L3MBTL1: variants seen among roughly 807,000 people sequenced by gnomAD.
L3MBTL1 encodes L3MBTL histone methyl-lysine binding protein 1.
A neutral mutation model predicts 105.3 loss-of-function variants in L3MBTL1; 75 were observed. That is an observed-to-expected ratio of 0.71 (90% confidence interval 0.59 to 0.86). L3MBTL1 has a LOEUF of 0.86. Ranked by LOEUF, L3MBTL1 falls within the 40% of genes least tolerant of loss-of-function variation. The probability of loss-of-function intolerance (pLI) is 0.00; values close to 1 mark genes in which losing one functional copy is unlikely to be tolerated. For synonymous variants in L3MBTL1, 452 were observed against 436.2 expected (o/e 1.04, Z -0.45); for missense variants, 1,069 against 1,126.4 (o/e 0.95, Z 0.73).
exon 19 of L3MBTL1, chr20:43,548,403 G>T (rs1157690809): frequency 3.4e-6 from 2 of 581,872 alleles, no homozygotes; most frequent in Non-Finnish European, 5.1e-6. Context: ...GAGCTGAGGA[G>T]CCCTGGGGAG....
At chr20:43,545,140 C>T (rs567327858), downstream of L3MBTL1, among the ~76,000 whole-genome samples, 3 of 152,026 alleles carry the variant, frequency 2.0e-5, no homozygotes, top group Admixed American at 1.3e-4. Flanking sequence ...GGCGCACATC[C>T]GTAATCCCAG....
chr20:43,518,851 CAAAAA>C (rs34529936), intron 7 of L3MBTL1, among the ~76,000 whole-genome samples: 2 of 33,302 alleles, frequency 6.0e-5, no homozygotes, highest in Non-Finnish European at 9.1e-5. Context: ...ACTAAAAATA[CAAAAA>C]AAAAAAAAAA....
chr20:43,530,309 A>G lies in L3MBTL1; in HGVS notation c.1082A>G (p.His361Arg). ...GTATGTGGCTATCGCCTACGCCTGC[A>G]CTTTGATGGGTATTCTGAGTGCCAT... ...AEVCGYRLRL[H>R]FDGYSECHDF... Residue 361 changes from histidine (H) to arginine (R), a missense_variant, in exon 10 of 22, where the codon CAC (histidine) becomes CGC (arginine). Coordinates refer to ENST00000418998, the MANE Select transcript of L3MBTL1 (RefSeq NM_001377303.1). The G allele has an allele frequency of 6.2e-7, 1 of 1,614,014 alleles. No individual in the cohort carries two copies.
intron 7 of L3MBTL1, among the ~76,000 whole-genome samples, chr20:43,525,640 C>T (rs1451818097): frequency 6.6e-6 from 1 of 152,098 alleles, no homozygotes; most frequent in South Asian, 2.1e-4. Flanking sequence ...AAAAAGGAGG[C>T]AGGAAACTGA....
intron 7 of L3MBTL1, among the ~76,000 whole-genome samples, chr20:43,525,079 G>C (rs1439766493): frequency 1.3e-5 from 2 of 150,790 alleles, no homozygotes; most frequent in Non-Finnish European, 2.9e-5. Flanking sequence ...ATAACTAGGA[G>C]TTGGAATCAG....
chr20:43,528,572 A>G, intron 7 of L3MBTL1, 85 bp from the exon 8 acceptor site: 1 of 943,080 alleles, frequency 1.1e-6, no homozygotes, highest in Non-Finnish European at 1.7e-6. Flanking sequence ...TTTGGGGGTG[A>G]AGGTAGAGCT....
intron 9 of L3MBTL1, among the ~76,000 whole-genome samples, chr20:43,529,920 T>TGGAAGCAGAGTGCGAGTG (rs2019236971): frequency 6.6e-6 from 1 of 152,206 alleles, no homozygotes; most frequent in Admixed American, 6.5e-5. Flanking sequence ...TCAGCAAGAC[T>TGGAAGCAGAGTGCGAGTG]GGAAGCAGAG....
chr20:43,514,177 C>T (rs1257557006), intron 3 of L3MBTL1, 116 bp downstream of exon 3: 10 of 959,758 alleles, frequency 1.0e-5, no homozygotes, highest in African/African-American at 1.6e-5. Flanking sequence ...GATGATGGGC[C>T]CTAGGGGTGG....
At chr20:43,534,207 C>T (rs1235214451) in intron 14 of L3MBTL1, 77 bp from the exon 15 acceptor site, 8 of 1,540,876 alleles carry the variant, frequency 5.2e-6, no homozygotes, top group Non-Finnish European at 1.8e-6. Flanking sequence ...TCCCCAGGCA[C>T]AGCATTTGGG....
At chr20:43,535,750 A>G in intron 16 of L3MBTL1, 87 bp from the exon 17 acceptor site, 1 of 808,108 alleles carries the variant, frequency 1.2e-6, no homozygotes, top group Non-Finnish European at 2.0e-6. Context: ...TCTAGTGCTG[A>G]TCTCCCCAGT....
At chr20:43,535,960 G>C in intron 17 of L3MBTL1, 24 bp downstream of exon 17, 1 of 1,601,378 alleles carries the variant, frequency 6.2e-7, no homozygotes, top group East Asian at 2.2e-5. Flanking sequence ...CCTGGTGAGA[G>C]ACCCTCAGCG....
At position 43,541,122 on chromosome 20, in the gene L3MBTL1, A is replaced by C. The variant is rs776185457; in HGVS notation, c.2583A>C (p.Gln861His). The change falls in exon 22 of 22, where the codon CAA becomes CAC. Residue 861 changes from glutamine to histidine, a missense_variant. Transcript: ENST00000418998. ...AACTTAGCTTTGCCAGTGATAGTCA[A>C]TATTAAAGTGTACTTTTTTCCCCTT... ...LAKLSFASDS[Q>H]Y The C allele has an allele frequency of 3.1e-6, 5 of 1,612,034 alleles. No homozygotes were observed. The South Asian group carries it at 5.5e-5, about 18-fold the overall frequency.
At chr20:43,539,351 G>T in intron 19 of L3MBTL1, 1 of 153,650 alleles carries the variant, frequency 6.5e-6, no homozygotes, top group Non-Finnish European at 1.4e-5. Context: ...AGCAGTGAGT[G>T]GGGCCAGGTT....
intron 7 of L3MBTL1, among the ~76,000 whole-genome samples, chr20:43,528,352 GT>G (rs1343256999): frequency 6.6e-6 from 1 of 152,192 alleles, no homozygotes; most frequent in Non-Finnish European, 1.5e-5. Context: ...AGAGGACAGG[GT>G]CCCTCTGTGG....
intron 7 of L3MBTL1, among the ~76,000 whole-genome samples, chr20:43,519,894 A>T (rs1276651508): frequency 6.6e-6 from 1 of 152,150 alleles, no homozygotes; most frequent in Non-Finnish European, 1.5e-5. Context: ...TGCTTTTTCC[A>T]TACATTTTTA....
At chr20:43,535,145 C>T (rs1439893493) in intron 16 of L3MBTL1, among the ~76,000 whole-genome samples, 2 of 152,112 alleles carry the variant, frequency 1.3e-5, no homozygotes, top group Non-Finnish European at 2.9e-5. Context: ...CCCCAGTTGT[C>T]GGGGTTTGGG....
intron 15 of L3MBTL1, 60 bp downstream of exon 15, chr20:43,534,454 A>G: frequency 1.5e-6 from 2 of 1,372,112 alleles, no homozygotes; most frequent in Non-Finnish European, 2.1e-6. Flanking sequence ...AATTCTGTAG[A>G]CTGTTTAGAG....
chr20:43,513,346 G>A, intron 1 of L3MBTL1, 130 bp from the exon 2 acceptor site: 1 of 878,596 alleles, frequency 1.1e-6, no homozygotes, highest in South Asian at 1.7e-5. Context: ...ACAGGACTGA[G>A]GCCTTTCTCT....
At position 43,515,001 on chromosome 20, in the gene L3MBTL1, C is replaced by T. The variant is rs374610675; in HGVS notation, c.503-8C>T. ...GAGGGAGGCCTGAGGCCCATTTGGC[C>T]CCCGCAGAGGACCACCCCCAGAATC... On this transcript the variant is annotated splice_region_variant and splice_polypyrimidine_tract_variant and intron_variant, in intron 4 of 21. Coordinates refer to ENST00000418998, the MANE Select transcript of L3MBTL1 (RefSeq NM_001377303.1). The T allele has an allele frequency of 3.1e-6, 5 of 1,612,392 alleles. No individual in the cohort carries two copies. The highest frequency in any genetic ancestry group is 1.3e-5 in the African/African-American group (1 of 74,890).
Sources: allele counts gnomAD v4.1 joint callset (sites outside exome capture counted in the v4.1 genomes callset), GRCh38; gene constraint gnomAD v4.1.1; transcripts MANE v1.5; gene names NCBI Gene and HGNC (gene_info 2026-07-23, HGNC 2026-07-21).